The following TTK variants were observed in gnomAD, a reference collection of about 807,000 sequenced individuals.
TTK encodes the protein TTK protein kinase.
In TTK, 59 loss-of-function variants were observed where a neutral mutation model predicts 117.3. The observed-to-expected ratio is 0.50, with a 90% CI of 0.41 to 0.62. The LOEUF (loss-of-function observed/expected upper bound fraction) is 0.62, where lower values mean the gene tolerates loss of function less well. Among genes scored for constraint, TTK ranks in the 20% least tolerant of loss-of-function variants. The probability of loss-of-function intolerance (pLI) is 0.00; values close to 1 mark genes in which losing one functional copy is unlikely to be tolerated. For synonymous variants in TTK, 302 were observed against 325.0 expected (o/e 0.93, Z 0.76); for missense variants, 921 against 989.4 (o/e 0.93, Z 0.93).
In TTK at chr6:80,022,358, G is replaced by C; in HGVS notation, c.1143G>C (p.Glu381Asp). The change falls in exon 11 of 22, where the codon GAG (glutamate) becomes GAC (aspartate). Residue 381 changes from glutamate to aspartate, a missense_variant. Physicochemically the swap from Glu to Asp is conservative, Grantham distance 45. Coordinates refer to ENST00000369798, the MANE Select transcript of TTK (RefSeq NM_003318.5). ...TKEYQEPEVP[E>D]SNQKQWQSKR... is the part of the protein sequence containing the mutation. Reference sequence around the variant, plus strand: ...AGTATCAAGAACCAGAGGTTCCAGAGAGTAACCAGAAACAGTGGCAATCTA... The same window carrying C: ...AGTATCAAGAACCAGAGGTTCCAGACAGTAACCAGAAACAGTGGCAATCTA... 6.2e-7 allele frequency: 1 copy of C among 1,613,788 alleles called. No homozygotes were observed. The highest frequency in any genetic ancestry group is 1.1e-5 in the South Asian group (1 of 90,944).
In TTK at chr6:80,012,405, T is replaced by A. The variant is rs1401178231; in HGVS notation, c.896+425T>A. On this transcript the variant is annotated intron_variant, in intron 8 of 21. Coordinates refer to ENST00000369798, the MANE Select transcript of TTK (RefSeq NM_003318.5). ...GTGGGATAGATGATTATTCTTTTGC[T>A]TGAGTCTAGTGCTTCAAGAAGTGGG... Among the ~76,000 whole-genome samples the A allele has an allele frequency of 2.0e-5, 3 of 151,932 alleles. No homozygotes were observed. In the East Asian group the frequency reaches 5.8e-4, roughly 29 times the overall value.
chr6:80,040,704 G>A lies in TTK; in HGVS notation c.2490+1G>A. ...TAACTCCATTTTGAAAGCTGCTAAA[G>A]TAAGTATGTCTATTCTTTACATTAA... is the stretch of plus-strand genomic sequence containing the variant. On this transcript the variant is annotated splice_donor_variant, in intron 21 of 21. Transcript: ENST00000369798. LOFTEE classifies it high-confidence loss of function. 1.2e-6 allele frequency: 2 copies of A among 1,610,784 alleles called. No individual in the cohort carries two copies. The highest frequency in any genetic ancestry group is 1.7e-6 in the Non-Finnish European group (2 of 1,177,948).
chr6:80,005,207 C>T (rs1766956069), intron 1 of TTK, among the ~76,000 whole-genome samples: 2 of 151,746 alleles, frequency 1.3e-5, no homozygotes, highest in South Asian at 2.1e-4. Flanking sequence ...ATACGATTAA[C>T]AATAAGACTG....
At chr6:80,016,481 A>G (rs1269445314) in intron 10 of TTK, among the ~76,000 whole-genome samples, 1 of 152,026 alleles carries the variant, frequency 6.6e-6, no homozygotes, top group Non-Finnish European at 1.5e-5. Flanking sequence ...ATCATTTCAT[A>G]TATTTATTGG....
intron 10 of TTK, among the ~76,000 whole-genome samples, chr6:80,019,757 A>T (rs1046791255): frequency 3.3e-5 from 5 of 152,214 alleles, no homozygotes; most frequent in Non-Finnish European, 1.5e-5. Flanking sequence ...AAAAAAAATC[A>T]CACAAAGATT....
At chr6:80,017,363 C>T (rs1016494432) in intron 10 of TTK, among the ~76,000 whole-genome samples, 3 of 152,236 alleles carry the variant, frequency 2.0e-5, no homozygotes, top group Non-Finnish European at 2.9e-5. Context: ...TTGCAACCTC[C>T]GCCTCCTGGG....
In TTK at chr6:80,035,026, A is replaced by T; in HGVS notation, c.1656A>T (p.Ile552=). The change falls in exon 15 of 22, where the codon ATA becomes ATT. Residue 552 remains isoleucine, a synonymous_variant. Transcript: ENST00000369798. ...ATGAAAAGAAACAGATATATGCTATAAAATATGTGAACTTAGAAGAAGCAG... is the reference window on the plus strand; with the variant it reads ...ATGAAAAGAAACAGATATATGCTATTAAATATGTGAACTTAGAAGAAGCAG... ...VLNEKKQIYA[I]KYVNLEEADN... 1 of 1,593,158 alleles carries T rather than the reference A, an allele frequency of 6.3e-7. No individual in the cohort carries two copies. The highest frequency in any genetic ancestry group is 1.2e-5 in the South Asian group (1 of 85,948).
At chr6:80,028,110 C>T in intron 13 of TTK, 99 bp downstream of exon 13, 1 of 1,298,286 alleles carries the variant, frequency 7.7e-7, no homozygotes, top group Non-Finnish European at 1.0e-6. Context: ...GTCTTAAGAA[C>T]TTGGCCATTC....
At position 80,010,896 on chromosome 6, in the gene TTK, G is replaced by C. The variant is rs764715446; in HGVS notation, c.552G>C (p.Leu184=). 4.3e-6 allele frequency: 7 copies of C among 1,612,340 alleles called. No individual in the cohort carries two copies. The South Asian group carries it at 7.7e-5, about 18-fold the overall frequency. Reference sequence around the variant, plus strand: ...CACTAGAAATGCTGGAAATTGCCCTGCGGAATTTAAACCTCCAAAAAAAGC... The same window carrying C: ...CACTAGAAATGCTGGAAATTGCCCTCCGGAATTTAAACCTCCAAAAAAAGC... ...AVPLEMLEIA[L]RNLNLQKKQL... Residue 184 remains leucine, a synonymous_variant, in exon 5 of 22, where the codon CTG becomes CTC. Transcript: ENST00000369798.
At chr6:80,015,211 G>A (rs958635802) in intron 10 of TTK, among the ~76,000 whole-genome samples, 1 of 152,150 alleles carries the variant, frequency 6.6e-6, no homozygotes, top group Non-Finnish European at 1.5e-5. Context: ...GAGTATTTCA[G>A]ATGAAGAGGA....
intron 3 of TTK, 44 bp from the exon 4 acceptor site, chr6:80,008,342 C>G: frequency 6.4e-7 from 1 of 1,553,396 alleles, no homozygotes; most frequent in South Asian, 1.2e-5. Flanking sequence ...ATTTAAGTAG[C>G]TATGTTCTTT....
At chr6:80,024,084 C>T (rs915457872) in intron 11 of TTK, among the ~76,000 whole-genome samples, 1 of 152,082 alleles carries the variant, frequency 6.6e-6, no homozygotes, top group African/African-American at 2.4e-5. Context: ...CCCACTAGGA[C>T]GGCTGTAATT....
chr6:80,041,619 G>C (rs193276212), intron 21 of TTK, among the ~76,000 whole-genome samples: 21 of 151,532 alleles, frequency 1.4e-4, no homozygotes, highest in Non-Finnish European at 2.5e-4. Flanking sequence ...TTCCTTGAGG[G>C]CAAAGATGTC....
chr6:80,005,550 T>C (rs240228), intron 1 of TTK, among the ~76,000 whole-genome samples: 93,956 of 151,996 alleles, frequency 0.62, 29,485 homozygotes, highest in Admixed American at 0.73. Context: ...GCAAACACTC[T>C]ATCATATTTT....
intron 11 of TTK, 69 bp from the exon 12 acceptor site, chr6:80,026,309 A>C: frequency 6.7e-7 from 1 of 1,494,048 alleles, no homozygotes; most frequent in Non-Finnish European, 9.0e-7. Flanking sequence ...AAGTTATAAT[A>C]TTTGTAAAAA....
intron 14 of TTK, among the ~76,000 whole-genome samples, chr6:80,032,840 C>T (rs559095769): frequency 1.3e-5 from 2 of 152,222 alleles, no homozygotes; most frequent in South Asian, 4.1e-4. Context: ...CCCTCCTGGT[C>T]TATTTTTTTA....
chr6:80,006,620 C>T (rs1331302767), intron 2 of TTK, among the ~76,000 whole-genome samples: 2 of 152,112 alleles, frequency 1.3e-5, no homozygotes, highest in Non-Finnish European at 2.9e-5. Flanking sequence ...CATTGTAATG[C>T]ATGCTGGGCA....
chr6:80,019,761 A>G (rs1392622320), intron 10 of TTK, among the ~76,000 whole-genome samples: 6 of 152,188 alleles, frequency 3.9e-5, no homozygotes, highest in Non-Finnish European at 7.4e-5. Context: ...AAAATCACAC[A>G]AAGATTAGTC....
chr6:80,024,116 G>A (rs1460304355), intron 11 of TTK, among the ~76,000 whole-genome samples: 1 of 152,172 alleles, frequency 6.6e-6, no homozygotes, highest in East Asian at 1.9e-4. Flanking sequence ...AACAAGTGTT[G>A]GCAAGGATGT....
Sources: allele counts gnomAD v4.1 joint callset (sites outside exome capture counted in the v4.1 genomes callset), GRCh38; gene constraint gnomAD v4.1.1; transcripts MANE v1.5; gene names NCBI Gene and HGNC (gene_info 2026-07-23, HGNC 2026-07-21).